Variants in C3orf70 observed in about 807,000 individuals in gnomAD.
The protein encoded by C3orf70 is UPF0524 protein C3orf70.
In C3orf70, 15 loss-of-function variants were observed where a neutral mutation model predicts 20.7. The ratio of observed to expected loss-of-function variants is 0.72; its 90% CI spans 0.48 to 1.11. The LOEUF (loss-of-function observed/expected upper bound fraction) is 1.11, where lower values mean the gene tolerates loss of function less well. C3orf70 is among the 50% of genes most tolerant of loss of function. The probability of loss-of-function intolerance (pLI) is 0.00; values close to 1 mark genes in which losing one functional copy is unlikely to be tolerated. For missense variants in C3orf70, 332 were observed against 317.6 expected (o/e 1.05, Z -0.34); for synonymous variants, 161 against 125.7 (o/e 1.28, Z -1.88).
At chr3:185,094,608 G>C in intron 1 of C3orf70, among the ~76,000 whole-genome samples, 1 of 151,642 alleles carries the variant, frequency 6.6e-6, no homozygotes, top group Non-Finnish European at 1.5e-5. Flanking sequence ...GCTAATTCCA[G>C]TTGAGAGAGG....
At position 185,078,888 on chromosome 3, in the gene C3orf70, C is replaced by T. The variant is rs1384184342; in HGVS notation, c.*4119G>A. 3.3e-5 allele frequency: 5 copies of T among 152,108 alleles called. No homozygotes were observed. Among genetic ancestry groups the T allele is most frequent in the South Asian group, 2.1e-4 (1 of 4,828 alleles). 9.4% of individuals were successfully genotyped at this position (152,108 alleles called of 1,614,324 possible). A position where few individuals can be genotyped will look rare whatever the true frequency, so the allele number is the denominator to read the frequency against. On this transcript the variant is annotated 3_prime_UTR_variant, in exon 2 of 2. Transcript: ENST00000335012. ...GACAGCTTTATAAATTATCCAGGTG[C>T]ACCTATTACCCAAGTCAAGAATTAA...
chr3:185,140,917 G>A lies in C3orf70; in HGVS notation c.196+11711C>T, dbSNP rs1267367557. Among the ~76,000 whole-genome samples, 7 of 149,536 alleles carry A rather than the reference G, an allele frequency of 4.7e-5. No homozygotes were observed. In the East Asian group the frequency reaches 7.8e-4, roughly 17 times the overall value. ...CAGGAGGCAGAGGCTGCAGTGACCC[G>A]AGATCGTGCCACTGCACTCCAGCCT... On this transcript the variant is annotated intron_variant, in intron 1 of 1. Coordinates refer to ENST00000335012, the MANE Select transcript of C3orf70 (RefSeq NM_001025266.3).
rs1039710408 is a variant in C3orf70, at chr3:185,084,146, G to A, written c.197-583C>T. Among the ~76,000 whole-genome samples the A allele has an allele frequency of 4.0e-5, 6 of 151,350 alleles. No homozygotes were observed. In the South Asian group the frequency reaches 8.3e-4, roughly 21 times the overall value. On this transcript the variant is annotated intron_variant, in intron 1 of 1. Transcript: ENST00000335012. ...TGCAGTGAGCCGAGATCGTGCCACT[G>A]CACTCCAGCCTGGGCGACAGAGTGA...
At chr3:185,098,827 T>C (rs1715763071) in intron 1 of C3orf70, among the ~76,000 whole-genome samples, 1 of 152,176 alleles carries the variant, frequency 6.6e-6, no homozygotes, top group African/African-American at 2.4e-5. Flanking sequence ...GTTGAAGGCC[T>C]GAATAGAACA....
intron 1 of C3orf70, among the ~76,000 whole-genome samples, chr3:185,137,531 C>T (rs1716652789): frequency 6.6e-6 from 1 of 152,154 alleles, no homozygotes; most frequent in South Asian, 2.1e-4. Context: ...TGACCCATAT[C>T]CTGGGCCATA....
intron 1 of C3orf70, among the ~76,000 whole-genome samples, chr3:185,119,343 T>A (rs972559952): frequency 6.6e-6 from 1 of 152,164 alleles, no homozygotes; most frequent in African/African-American, 2.4e-5. Flanking sequence ...ATATGTTATA[T>A]ATGGCACTTG....
At chr3:185,129,090 C>T (rs572462234) in intron 1 of C3orf70, among the ~76,000 whole-genome samples, 4 of 152,148 alleles carry the variant, frequency 2.6e-5, no homozygotes, top group South Asian at 2.1e-4. Flanking sequence ...CTATTAAATA[C>T]ATTAGACATG....
At chr3:185,121,723 G>A (rs146212211) in intron 1 of C3orf70, among the ~76,000 whole-genome samples, 162 of 152,302 alleles carry the variant, frequency 1.1e-3, no homozygotes, top group African/African-American at 3.7e-3. Context: ...AAGCCATGAT[G>A]TCAGACTGTA....
rs1474882678 is a variant in C3orf70, at chr3:185,082,154, A to AT, written c.*852dup. The AT allele has an allele frequency of 1.3e-5, 2 of 152,166 alleles. No homozygotes were observed. The highest frequency in any genetic ancestry group is 2.9e-5 in the Non-Finnish European group (2 of 68,036). 9.4% of individuals were successfully genotyped at this position (152,166 alleles called of 1,614,324 possible). ...GAAGCCAGCTCAAATGCTGAAACAC[A>AT]TTCCCCAGCTAGCCCCAGCCAAGTA... On this transcript the variant is annotated 3_prime_UTR_variant, in exon 2 of 2. Transcript: ENST00000335012.
chr3:185,150,140 T>C (rs755833189), intron 1 of C3orf70, among the ~76,000 whole-genome samples: 3 of 152,182 alleles, frequency 2.0e-5, no homozygotes, highest in Non-Finnish European at 4.4e-5. Flanking sequence ...ATATACAAGA[T>C]AAATATAAGA....
At chr3:185,128,340 C>T (rs1222225449) in intron 1 of C3orf70, among the ~76,000 whole-genome samples, 1 of 152,026 alleles carries the variant, frequency 6.6e-6, no homozygotes, top group Middle Eastern at 3.2e-3. Context: ...CCAGTCTGGC[C>T]AACATGGTGA....
rs1422390043 is a variant in C3orf70 at position 185,080,729 on chromosome 3, C to T, written c.*2278G>A. 1.3e-5 allele frequency: 2 copies of T among 152,168 alleles called. No homozygotes were observed. Among genetic ancestry groups the T allele is most frequent in the African/African-American group, 2.4e-5 (1 of 41,442 alleles). 9.4% of individuals were successfully genotyped at this position (152,168 alleles called of 1,614,324 possible). A position where few individuals can be genotyped will look rare whatever the true frequency, so the allele number is the denominator to read the frequency against. ...CACGGGAGGCACCGAGAACCTCGGG[C>T]AGGGTTCATCAGATGTCCCTGTGCC... On this transcript the variant is annotated 3_prime_UTR_variant, in exon 2 of 2. Transcript: ENST00000335012.
At chr3:185,114,279 T>C (rs1716133830) in intron 1 of C3orf70, among the ~76,000 whole-genome samples, 3 of 151,922 alleles carry the variant, frequency 2.0e-5, no homozygotes, top group Non-Finnish European at 4.4e-5. Context: ...TTTTGTTATA[T>C]GTTGAGAAAT....
At chr3:185,093,135 T>C (rs1264522606) in intron 1 of C3orf70, among the ~76,000 whole-genome samples, 2 of 152,166 alleles carry the variant, frequency 1.3e-5, no homozygotes, top group African/African-American at 4.8e-5. Flanking sequence ...CCCAGTATCA[T>C]GCTGATATCT....
At chr3:185,087,840 A>G (rs1401681706) in intron 1 of C3orf70, among the ~76,000 whole-genome samples, 1 of 152,178 alleles carries the variant, frequency 6.6e-6, no homozygotes, top group East Asian at 1.9e-4. Flanking sequence ...TTACCAAGAA[A>G]ATGAGTGGCC....
chr3:185,147,374 T>C (rs1037255706), intron 1 of C3orf70, among the ~76,000 whole-genome samples: 2 of 152,228 alleles, frequency 1.3e-5, no homozygotes, highest in African/African-American at 4.8e-5. Context: ...TCCTATCACA[T>C]ACAGTGACCT....
intron 1 of C3orf70, among the ~76,000 whole-genome samples, chr3:185,088,281 T>G (rs1407444187): frequency 6.6e-6 from 1 of 152,216 alleles, no homozygotes; most frequent in Non-Finnish European, 1.5e-5. Context: ...TCTGGAATAT[T>G]TAAAGAATTC....
chr3:185,077,532 T>C lies in C3orf70; in HGVS notation c.*5475A>G, dbSNP rs6778340. Among the ~76,000 whole-genome samples the C allele has an allele frequency of 0.01, 1,560 of 152,134 alleles. 24 individuals are homozygous for C. Among genetic ancestry groups the C allele is most frequent in the African/African-American group, 0.035 (1,443 of 41,434 alleles). On this transcript the variant is annotated 3_prime_UTR_variant, in exon 2 of 2. Coordinates refer to ENST00000335012, the MANE Select transcript of C3orf70 (RefSeq NM_001025266.3). ...AGGATTTTATTACTGATAATGACTTTATTTAGCAGTTCCTAGGAAGGTTGT... is the reference window on the plus strand; with the variant it reads ...AGGATTTTATTACTGATAATGACTTCATTTAGCAGTTCCTAGGAAGGTTGT...
intron 1 of C3orf70, among the ~76,000 whole-genome samples, chr3:185,126,034 T>C (rs1000227683): frequency 4.6e-5 from 7 of 152,222 alleles, no homozygotes; most frequent in South Asian, 2.1e-4. Context: ...AATGTGTGAA[T>C]TGTACTGTAT....
Sources: gnomAD v4.1 joint callset for allele counts (sites outside exome capture counted in the v4.1 genomes callset) on GRCh38, gnomAD v4.1.1 for gene constraint, MANE v1.5 for transcripts, NCBI Gene and HGNC (gene_info 2026-07-23, HGNC 2026-07-21) for gene names.